Variants in KCNN2 observed in about 807,000 individuals in gnomAD.
KCNN2 encodes the protein small conductance calcium-activated potassium channel protein 2.
KCNN2 carries 24 observed loss-of-function variants against 55.5 expected under a neutral mutation model. The observed-to-expected ratio is 0.43, with a 90% CI of 0.31 to 0.61. The LOEUF is 0.61. KCNN2 is among the 20% of genes least tolerant of loss of function. The pLI is 0.08. For missense variants in KCNN2, 754 were observed against 853.6 expected (o/e 0.88, Z 1.45); for synonymous variants, 431 against 336.1 (o/e 1.28, Z -3.09).
intron 2 of KCNN2, among the ~76,000 whole-genome samples, chr5:114,222,375 AC>A (rs1170119044): frequency 6.6e-6 from 1 of 152,182 alleles, no homozygotes; most frequent in Admixed American, 6.5e-5. Context: ...GAACTACCAT[AC>A]CAGAAAGGGC....
chr5:114,112,284 C>A (rs1488539935), intron 1 of KCNN2, among the ~76,000 whole-genome samples: 1 of 151,944 alleles, frequency 6.6e-6, no homozygotes, highest in Non-Finnish European at 1.5e-5. Context: ...ACAATGAGAA[C>A]ACATGGACAC....
chr5:114,433,546 G>C (rs915482248), intron 3 of KCNN2: 1 of 152,412 alleles, frequency 6.6e-6, no homozygotes, highest in Non-Finnish European at 1.5e-5. Flanking sequence ...CACTGTGGAA[G>C]CTTTGTTCTT....
At chr5:114,141,252 G>T (rs1052582162) in intron 1 of KCNN2, among the ~76,000 whole-genome samples, 4 of 152,044 alleles carry the variant, frequency 2.6e-5, no homozygotes, top group African/African-American at 9.6e-5. Flanking sequence ...TTTACATTAG[G>T]TATATCTCCT....
At chr5:114,068,470 C>T (rs1185526642) in intron 1 of KCNN2, among the ~76,000 whole-genome samples, 1 of 152,198 alleles carries the variant, frequency 6.6e-6, no homozygotes, top group Non-Finnish European at 1.5e-5. Flanking sequence ...TACACCTTGG[C>T]CTCACATTCA....
intron 2 of KCNN2, among the ~76,000 whole-genome samples, chr5:114,396,991 C>T (rs1758639386): frequency 6.6e-6 from 1 of 152,106 alleles, no homozygotes; most frequent in African/African-American, 2.4e-5. Flanking sequence ...TTTTCTATTC[C>T]TGCATTGGTT....
chr5:114,139,365 G>A (rs1202375648), intron 1 of KCNN2, among the ~76,000 whole-genome samples: 1 of 151,768 alleles, frequency 6.6e-6, no homozygotes, highest in East Asian at 1.9e-4. Context: ...GACATTATAT[G>A]ATGCACAGAA....
At chr5:114,405,237 A>C (rs1758895997) in intron 3 of KCNN2, among the ~76,000 whole-genome samples, 1 of 152,230 alleles carries the variant, frequency 6.6e-6, no homozygotes, top group Admixed American at 6.5e-5. Context: ...AAATCCTGTC[A>C]AACAGTGTTG....
chr5:114,069,399 A>G (rs548010797), intron 1 of KCNN2, among the ~76,000 whole-genome samples: 75 of 152,284 alleles, frequency 4.9e-4, no homozygotes, highest in African/African-American at 1.7e-3. Context: ...TTTCCCTCTT[A>G]AAGGCACTTG....
At chr5:114,125,090 G>A (rs1253775635) in intron 1 of KCNN2, among the ~76,000 whole-genome samples, 1 of 152,082 alleles carries the variant, frequency 6.6e-6, no homozygotes, top group Non-Finnish European at 1.5e-5. Flanking sequence ...AGGGGCAATT[G>A]GTTACCTAAA....
At chr5:114,451,315 T>C (rs557040412) in intron 3 of KCNN2, among the ~76,000 whole-genome samples, 1 of 152,282 alleles carries the variant, frequency 6.6e-6, no homozygotes, top group Admixed American at 6.5e-5. Context: ...ACATAGCCGC[T>C]GATGGTCTGG....
At chr5:114,064,185 T>C (rs532206733) in intron 1 of KCNN2, among the ~76,000 whole-genome samples, 1 of 152,330 alleles carries the variant, frequency 6.6e-6, no homozygotes, top group Admixed American at 6.5e-5. Context: ...ACCCCCATGG[T>C]ACATAGTCTC....
At chr5:114,484,340 G>A (rs1762358999) in intron 5 of KCNN2, among the ~76,000 whole-genome samples, 1 of 152,128 alleles carries the variant, frequency 6.6e-6, no homozygotes, top group African/African-American at 2.4e-5. Context: ...AGGGAGGTTA[G>A]GGATAGGAAA....
intron 1 of KCNN2, among the ~76,000 whole-genome samples, chr5:114,107,337 G>A (rs1191108895): frequency 6.6e-6 from 1 of 151,908 alleles, no homozygotes; most frequent in Non-Finnish European, 1.5e-5. Context: ...ACTCCTCCAA[G>A]TTTGTTCTCC....
At chr5:114,294,792 G>A (rs1191052015) in intron 2 of KCNN2, among the ~76,000 whole-genome samples, 1 of 152,110 alleles carries the variant, frequency 6.6e-6, no homozygotes, top group African/African-American at 2.4e-5. Flanking sequence ...TGACAGTGGG[G>A]TGTTAAAGTC....
At chr5:114,234,816 G>A (rs1441232114) in intron 2 of KCNN2, among the ~76,000 whole-genome samples, 1 of 152,110 alleles carries the variant, frequency 6.6e-6, no homozygotes, top group Non-Finnish European at 1.5e-5. Context: ...CTGACTTAGG[G>A]AGCAAAACCT....
chr5:114,362,027 G>C (rs1757436805), upstream of KCNN2: 1 of 153,406 alleles, frequency 6.5e-6, no homozygotes, highest in Non-Finnish European at 1.5e-5. Flanking sequence ...GATTCTACCG[G>C]AGCCGGCATG....
At chr5:114,198,320 A>C (rs1194332862) in intron 1 of KCNN2, among the ~76,000 whole-genome samples, 1 of 62,498 alleles carries the variant, frequency 1.6e-5, no homozygotes, top group African/African-American at 6.2e-5. Context: ...CTTTTGCACC[A>C]ACCTCATATA....
At chr5:114,294,603 T>C (rs1755968135) in intron 2 of KCNN2, among the ~76,000 whole-genome samples, 1 of 151,510 alleles carries the variant, frequency 6.6e-6, no homozygotes. Flanking sequence ...GAGGAGTGCT[T>C]TACTTCCAAC....
At chr5:114,295,321 G>T (rs989781201) in intron 2 of KCNN2, among the ~76,000 whole-genome samples, 2 of 152,320 alleles carry the variant, frequency 1.3e-5, no homozygotes, top group South Asian at 2.1e-4. Flanking sequence ...ACAGAGGCAG[G>T]AAGGCCTCCT....
Sources: allele counts gnomAD v4.1 joint callset (sites outside exome capture counted in the v4.1 genomes callset), GRCh38; gene constraint gnomAD v4.1.1; transcripts MANE v1.5; gene names NCBI Gene and HGNC (gene_info 2026-07-23, HGNC 2026-07-21).